STK31: variants seen among roughly 807,000 people sequenced by gnomAD.
STK31 encodes the protein serine/threonine-protein kinase 31.
In STK31, 89 loss-of-function variants were observed where a neutral mutation model predicts 129.7. The observed-to-expected ratio is 0.69, with a 90% CI of 0.58 to 0.82. The LOEUF is 0.82. Ranked by LOEUF, STK31 falls within the 40% of genes least tolerant of loss-of-function variation. STK31 has a pLI of 0.00. For missense variants in STK31, 1,187 were observed against 1,176.4 expected, an observed-to-expected ratio of 1.01 and a Z score of -0.13; for synonymous variants, 448 against 395.3, an observed-to-expected ratio of 1.13 and a Z score of -1.58.
At chr7:23,769,224 T>C (rs190045984) in intron 12 of STK31, 50 bp downstream of exon 12, 3 of 1,447,624 alleles carry the variant, frequency 2.1e-6, no homozygotes, top group African/African-American at 2.9e-5. Context: ...CCAGGGAATA[T>C]ATATTTTAAA....
rs369744441 is a variant in STK31 at position 23,829,045 on chromosome 7, C to T, written c.2830-3091C>T. ...CTTGCCAAGTAGCTGGGATTACAGG[C>T]GCCCGCCATGATGCCCAGCAAATTT... is the stretch of plus-strand genomic sequence containing the variant. On this transcript the variant is annotated intron_variant, in intron 23 of 23. Transcript: ENST00000355870. 3.6e-4 allele frequency among the ~76,000 whole-genome samples: 55 copies of T among 151,756 alleles called. No individual in the cohort carries two copies. In the South Asian group the frequency reaches 8.3e-3, roughly 23 times the overall value.
intron 23 of STK31, among the ~76,000 whole-genome samples, chr7:23,829,190 C>G (rs759150978): frequency 8.5e-5 from 13 of 152,096 alleles, no homozygotes; most frequent in African/African-American, 2.7e-4. Context: ...GGATTACAGG[C>G]GTGAGCCACT....
At chr7:23,741,284 T>C (rs1397295748) in intron 8 of STK31, among the ~76,000 whole-genome samples, 1 of 152,206 alleles carries the variant, frequency 6.6e-6, no homozygotes, top group African/African-American at 2.4e-5. Context: ...AAGAGGTATT[T>C]AGATACCAGA....
chr7:23,761,460 G>T (rs1199421640), intron 10 of STK31, among the ~76,000 whole-genome samples: 1 of 147,280 alleles, frequency 6.8e-6, no homozygotes, highest in Non-Finnish European at 1.5e-5. Context: ...TCGCTCTGTC[G>T]CCCAGGCCGG....
intron 8 of STK31, among the ~76,000 whole-genome samples, chr7:23,744,838 C>T (rs964129063): frequency 6.6e-6 from 1 of 152,038 alleles, no homozygotes; most frequent in African/African-American, 2.4e-5. Flanking sequence ...GTGGCAATGC[C>T]AGGCCAAGTA....
intron 18 of STK31, among the ~76,000 whole-genome samples, chr7:23,786,268 A>T (rs2128111181): frequency 6.6e-6 from 1 of 152,250 alleles, no homozygotes; most frequent in South Asian, 2.1e-4. Context: ...TGATAATAAG[A>T]TAATTAATTT....
In STK31 at chr7:23,740,106, C is replaced by A. The variant is rs139453396; in HGVS notation, c.1017+3028C>A. On this transcript the variant is annotated intron_variant, in intron 8 of 23. Transcript: ENST00000355870. ...GGTATTGATTCTTCCTGTCCACGAG[C>A]ATGGAATTGTATTTTCTGTACAGTC... is the stretch of plus-strand genomic sequence containing the variant. 1.9e-3 allele frequency among the ~76,000 whole-genome samples: 296 copies of A among 152,218 alleles called. 1 individual carries two copies. The highest frequency in any genetic ancestry group is 6.8e-3 in the African/African-American group (283 of 41,552).
rs1406531478 is a variant in STK31, at chr7:23,815,226, T to C, written c.2829+14T>C. On this transcript the variant is annotated intron_variant, in intron 23 of 23. Transcript: ENST00000355870. The stretch of plus-strand genomic sequence containing the variant: ...CAGTTTCATCTGGTATGTGACCTTT[T>C]TGACATTTACTGGTTTGAAACACAT... The C allele has an allele frequency of 6.4e-7, 1 of 1,554,320 alleles. No individual in the cohort carries two copies. The highest frequency in any genetic ancestry group is 8.7e-7 in the Non-Finnish European group (1 of 1,146,380).
chr7:23,826,245 A>G (rs1794142337), intron 23 of STK31, among the ~76,000 whole-genome samples: 1 of 152,094 alleles, frequency 6.6e-6, no homozygotes, highest in Non-Finnish European at 1.5e-5. Context: ...GTCTCTTTGT[A>G]GGTCACTCAG....
At chr7:23,751,485 T>C (rs1170479484) in intron 8 of STK31, among the ~76,000 whole-genome samples, 2 of 152,238 alleles carry the variant, frequency 1.3e-5, no homozygotes, top group Non-Finnish European at 2.9e-5. Flanking sequence ...ACCCAGCATA[T>C]GGTCTGCCTG....
At chr7:23,780,277 T>C (rs1393314995) in intron 15 of STK31, among the ~76,000 whole-genome samples, 1 of 152,216 alleles carries the variant, frequency 6.6e-6, no homozygotes, top group Non-Finnish European at 1.5e-5. Context: ...GAGCTGTTAC[T>C]ATTTGGCCAT....
At chr7:23,810,688 T>A (rs1331666054) in intron 22 of STK31, among the ~76,000 whole-genome samples, 4 of 111,558 alleles carry the variant, frequency 3.6e-5, no homozygotes, top group Admixed American at 1.1e-4. Context: ...AAATAGATAT[T>A]ATATATAAAA....
intron 9 of STK31, among the ~76,000 whole-genome samples, 154 bp downstream of exon 9, chr7:23,752,986 A>C (rs1252617225): frequency 6.6e-6 from 1 of 152,172 alleles, no homozygotes; most frequent in African/African-American, 2.4e-5. Context: ...TTCTGAGATG[A>C]ATTTTATACT....
In STK31 at chr7:23,769,123, A is replaced by G. The variant is rs560294220; in HGVS notation, c.1545A>G (p.Glu515=). The change falls in exon 12 of 24, where the codon GAA becomes GAG. Residue 515 remains glutamate, a synonymous_variant. Transcript: ENST00000355870. Reference sequence around the variant, plus strand: ...AGGAGTTCACCAGTGTTAGAAGTGAAACAGACGCTTCTCTGCACCGTCTTG... The same window carrying G: ...AGGAGTTCACCAGTGTTAGAAGTGAGACAGACGCTTCTCTGCACCGTCTTG... The part of the protein sequence containing the change: ...KREEFTSVRS[E]TDASLHRLVA... 6.2e-7 allele frequency: 1 copy of G among 1,612,514 alleles called. No individual in the cohort carries two copies. The highest frequency in any genetic ancestry group is 2.2e-5 in the East Asian group (1 of 44,862).
Position 23,765,125 on chromosome 7 carries a change from G to A in STK31, c.1416+2202G>A, listed in dbSNP as rs189719522. ...GGCTGGAGTGCAGTGGCCGATCTCC[G>A]CTCACTGCAACCTCTGCCTCCCGGG... On this transcript the variant is annotated intron_variant, in intron 11 of 23. Coordinates refer to ENST00000355870, the MANE Select transcript of STK31 (RefSeq NM_031414.5). Among the ~76,000 whole-genome samples the A allele has an allele frequency of 2.2e-3, 339 of 151,926 alleles. 8 individuals are homozygous for A. The highest frequency in any genetic ancestry group is 0.02 in the Admixed American group (308 of 15,270).
At chr7:23,786,792 TGAA>T (rs755092972) in intron 19 of STK31, 43 bp from the exon 20 acceptor site, 13 of 1,582,982 alleles carry the variant, frequency 8.2e-6, no homozygotes, top group South Asian at 4.6e-5. Context: ...AAAAATATGT[TGAA>T]GAAGTTTTTA....
chr7:23,810,854 A>C (rs915700757), intron 22 of STK31, among the ~76,000 whole-genome samples: 1 of 141,584 alleles, frequency 7.1e-6, no homozygotes, highest in Non-Finnish European at 1.5e-5. Flanking sequence ...ATAAATATGT[A>C]TAAATATATA....
At chr7:23,825,330 T>G (rs144495953) in intron 23 of STK31, among the ~76,000 whole-genome samples, 16,998 of 152,082 alleles carry the variant, frequency 0.11, 1,161 homozygotes, top group Middle Eastern at 0.16. Flanking sequence ...GTCTTGGGAG[T>G]GTGTATGTGT....
chr7:23,784,447 A>G (rs549942947), intron 17 of STK31, among the ~76,000 whole-genome samples: 1 of 152,294 alleles, frequency 6.6e-6, no homozygotes, highest in South Asian at 2.1e-4. Flanking sequence ...TCTTGCAACT[A>G]TTTAGCTTAG....
Sources: gnomAD v4.1 joint callset for allele counts (sites outside exome capture counted in the v4.1 genomes callset) on GRCh38, gnomAD v4.1.1 for gene constraint, MANE v1.5 for transcripts, NCBI Gene and HGNC (gene_info 2026-07-23, HGNC 2026-07-21) for gene names.